Variants in SH2B1 observed in about 807,000 individuals in gnomAD.
SH2B1 encodes the protein SH2B adapter protein 1.
In SH2B1, 15 loss-of-function variants were observed where a neutral mutation model predicts 62.6. The observed-to-expected ratio is 0.24, with a 90% CI of 0.16 to 0.37. The LOEUF (loss-of-function observed/expected upper bound fraction) is 0.37, where lower values mean the gene tolerates loss of function less well. Among genes scored for constraint, SH2B1 ranks in the 10% least tolerant of loss-of-function variants. The probability of loss-of-function intolerance (pLI) is 1.00; values close to 1 mark genes in which losing one functional copy is unlikely to be tolerated. For synonymous variants in SH2B1, 443 were observed against 438.0 expected, an observed-to-expected ratio of 1.01 and a Z score of -0.14; for missense variants, 925 against 1,015.6, an observed-to-expected ratio of 0.91 and a Z score of 1.21.
intron 1 of SH2B1, among the ~76,000 whole-genome samples, chr16:28,852,306 A>T (rs1416120129): frequency 3.0e-5 from 2 of 66,088 alleles, no homozygotes; most frequent in African/African-American, 1.2e-4. Context: ...ATATTTACAT[A>T]TATATATTTA....
chr16:28,861,935 T>C (rs932550573), upstream of SH2B1, among the ~76,000 whole-genome samples: 10 of 152,194 alleles, frequency 6.6e-5, no homozygotes, highest in African/African-American at 2.4e-4. Context: ...AAGAAGCTAT[T>C]TTGCCACTAA....
chr16:28,873,971 G>A lies in SH2B1; in HGVS notation c.*151G>A. 2 of 736,968 alleles carry A rather than the reference G, an allele frequency of 2.7e-6. No homozygotes were observed. Among genetic ancestry groups the A allele is most frequent in the South Asian group, 4.5e-5 (1 of 22,318 alleles). The allele number at this position is 736,968 out of a possible 1,614,324, so 45.7% of individuals were successfully genotyped here. A position where few individuals can be genotyped will look rare whatever the true frequency, so the allele number is the denominator to read the frequency against. ...TTTGATGGTACAAGCAGAGGCTCGG[G>A]AGAGGCTCCCGTCACACACTACAGG... On this transcript the variant is annotated 3_prime_UTR_variant, in exon 8 of 8. Transcript: ENST00000684370. This position sits in a 1 kb window ranked among gnomAD's most constrained non-coding sequence, Gnocchi z 4.2.
chr16:28,858,750 G>A (rs951805408), intron 1 of SH2B1, among the ~76,000 whole-genome samples: 16 of 151,938 alleles, frequency 1.1e-4, no homozygotes, highest in African/African-American at 3.9e-4. Context: ...GACCAGCTTT[G>A]CTAACATGGT....
chr16:28,863,730 G>T (rs540362371), upstream of SH2B1: 20 of 1,535,630 alleles, frequency 1.3e-5, no homozygotes, highest in East Asian at 2.7e-4. Context: ...TCCTGGGGTC[G>T]GCGCCGAGTG....
At chr16:28,850,861 T>TG (rs1335775587) in intron 1 of SH2B1, among the ~76,000 whole-genome samples, 14 of 88,744 alleles carry the variant, frequency 1.6e-4, no homozygotes, top group African/African-American at 7.2e-4. Context: ...AGACTCCATC[T>TG]GAAAAAAAAA....
upstream of SH2B1, chr16:28,863,590 T>A: frequency 7.7e-7 from 1 of 1,293,568 alleles, no homozygotes; most frequent in South Asian, 1.3e-5. Context: ...ACATCGCCCC[T>A]TTGTCCCGAA....
Position 28,865,278 on chromosome 16 carries a change from AT to A in SH2B1, c.-814del, listed in dbSNP as rs1299253509. 1.0e-6 allele frequency: 1 copy of A among 985,534 alleles called. No homozygotes were observed. Among genetic ancestry groups the A allele is most frequent in the East Asian group, 1.1e-4 (1 of 8,974 alleles). 61.0% of individuals were successfully genotyped at this position (985,534 alleles called of 1,614,324 possible). On this transcript the variant is annotated 5_prime_UTR_variant, in exon 1 of 8. Transcript: ENST00000684370. ...GATACCAAAGAAGTGGGCTGTAGCTATTTCACATCTCCTTCACGCAGTGCGT... is the reference window on the plus strand; with the variant it reads ...GATACCAAAGAAGTGGGCTGTAGCTATTCACATCTCCTTCACGCAGTGCGT...
chr16:28,859,801 G>C (rs929289508), upstream of SH2B1, among the ~76,000 whole-genome samples: 3 of 151,600 alleles, frequency 2.0e-5, no homozygotes, highest in African/African-American at 7.3e-5. Context: ...AACATTGTTT[G>C]AGCCTCTGGC....
Position 28,866,980 on chromosome 16 carries a change from AGTGAAG to A in SH2B1, c.888_893del (p.Ser296_Gly298delinsArg). On this transcript the variant is annotated inframe_deletion, in exon 1 of 8. Coordinates refer to ENST00000684370, the MANE Select transcript of SH2B1 (RefSeq NM_001387430.1). This position sits in a 1 kb window ranked among gnomAD's most constrained non-coding sequence, Gnocchi z 6.3. ...GCAGAAGTGTCGCCTGCTGCTTCGA[AGTGAAG>A]GAGAAGGAGGAGGAGGAAGTCGCCT... 3 of 1,604,812 alleles carry A rather than the reference AGTGAAG, an allele frequency of 1.9e-6. No individual in the cohort carries two copies. The highest frequency in any genetic ancestry group is 1.1e-5 in the South Asian group (1 of 91,080).
intron 2 of SH2B1, among the ~76,000 whole-genome samples, chr16:28,868,755 C>T (rs950134151): frequency 6.6e-6 from 1 of 152,098 alleles, no homozygotes; most frequent in Non-Finnish European, 1.5e-5. Flanking sequence ...CGTACCCGGC[C>T]TCGCCTTATT....
In SH2B1 at chr16:28,865,716, A is replaced by T. The variant is rs1277456648; in HGVS notation, c.-379A>T. The T allele has an allele frequency of 3.9e-6, 4 of 1,023,212 alleles. No homozygotes were observed. The highest frequency in any genetic ancestry group is 4.7e-6 in the Non-Finnish European group (4 of 855,664). The allele number at this position is 1,023,212 out of a possible 1,614,324, so 63.4% of individuals were successfully genotyped here. On this transcript the variant is annotated 5_prime_UTR_variant, in exon 1 of 8. Coordinates refer to ENST00000684370, the MANE Select transcript of SH2B1 (RefSeq NM_001387430.1). ...CGATGTAGAGGGGGGGTGATCTGGA[A>T]AAGTTCCCTTTTTTAGGGGGAAGGT...
intron 1 of SH2B1, among the ~76,000 whole-genome samples, chr16:28,857,641 C>G (rs62037365): frequency 0.34 from 51,802 of 151,922 alleles, 9,505 homozygotes; most frequent in Admixed American, 0.41. Flanking sequence ...GGCCACCAAG[C>G]TCCTGTGCCC....
intron 1 of SH2B1, among the ~76,000 whole-genome samples, chr16:28,858,428 GC>G (rs1962370228): frequency 6.6e-6 from 1 of 152,148 alleles, no homozygotes; most frequent in Admixed American, 6.5e-5. Context: ...TGGGAGAATG[GC>G]GTGAACCCGG....
At chr16:28,852,693 TATATATATAC>T (rs1204729932) in intron 1 of SH2B1, among the ~76,000 whole-genome samples, 1 of 73,742 alleles carries the variant, frequency 1.4e-5, no homozygotes, top group Non-Finnish European at 2.4e-5. Flanking sequence ...CATATATATT[TATATATATAC>T]ATATATATTT....
chr16:28,856,828 C>T lies in SH2B1; in HGVS notation c.-300-4790C>T, dbSNP rs544908760. Among the ~76,000 whole-genome samples the T allele has an allele frequency of 5.3e-5, 8 of 152,290 alleles. No homozygotes were observed. The East Asian group carries it at 1.5e-3, about 29-fold the overall frequency. On this transcript the variant is annotated intron_variant, in intron 1 of 10. Coordinates refer to the SH2B1 transcript ENST00000322610. Reference sequence around the variant, plus strand: ...GCATCAGCCCTCTTGTGGACCACTGCACCAACTTCTGCTCTGCCTCCTGCC... The same window carrying T: ...GCATCAGCCCTCTTGTGGACCACTGTACCAACTTCTGCTCTGCCTCCTGCC...
At position 28,865,624 on chromosome 16, in the gene SH2B1, G is replaced by A. The variant is rs1245591162; in HGVS notation, c.-471G>A. On this transcript the variant is annotated 5_prime_UTR_variant, in exon 1 of 8. Transcript: ENST00000684370. Reference sequence around the variant, plus strand: ...AGGTCTTTGAAACCTCTCAGGGAAAGGTAAGATAACCAAGTGGGAGCCTCT... The same window carrying A: ...AGGTCTTTGAAACCTCTCAGGGAAAAGTAAGATAACCAAGTGGGAGCCTCT... 2.0e-6 allele frequency: 2 copies of A among 988,112 alleles called. No homozygotes were observed. Among genetic ancestry groups the A allele is most frequent in the South Asian group, 9.4e-5 (2 of 21,338 alleles). 61.2% of individuals were successfully genotyped at this position (988,112 alleles called of 1,614,324 possible).
chr16:28,847,441 C>G (rs190947376), intron 1 of SH2B1, among the ~76,000 whole-genome samples: 2 of 152,218 alleles, frequency 1.3e-5, no homozygotes, highest in African/African-American at 2.4e-5. Flanking sequence ...AATAGATTCC[C>G]TAATTCCTCC....
upstream of SH2B1, among the ~76,000 whole-genome samples, chr16:28,860,656 G>A (rs966141872): frequency 2.0e-5 from 3 of 152,084 alleles, no homozygotes; most frequent in African/African-American, 7.2e-5. Flanking sequence ...GCCTTCTAGA[G>A]ACCATGGCAG....
intron 1 of SH2B1, among the ~76,000 whole-genome samples, chr16:28,850,564 T>G (rs1262452666): frequency 6.8e-6 from 1 of 147,518 alleles, no homozygotes; most frequent in Non-Finnish European, 1.5e-5. Context: ...AGACCACGTC[T>G]CTAAAACAAA....
Sources: gnomAD v4.1 joint callset for allele counts (sites outside exome capture counted in the v4.1 genomes callset) on GRCh38, gnomAD v4.1.1 for gene constraint, Gnocchi (gnomAD v3.1) non-coding constraint, MANE v1.5 for transcripts, NCBI Gene and HGNC (gene_info 2026-07-23, HGNC 2026-07-21) for gene names.